The following CTNNA3 variants were observed in gnomAD, a reference collection of about 807,000 sequenced individuals.
CTNNA3 encodes the protein catenin alpha-3.
A neutral mutation model predicts 95.7 loss-of-function variants in CTNNA3; 76 were observed. The observed-to-expected ratio is 0.79, with a 90% confidence interval of 0.66 to 0.96. The LOEUF is 0.96. CTNNA3 is among the 40% of genes least tolerant of loss of function. The pLI, the probability that CTNNA3 is intolerant of heterozygous loss-of-function variation, is 0.00. For synonymous variants in CTNNA3, 431 were observed against 374.4 expected (o/e 1.15, Z -1.74); for missense variants, 1,191 against 1,089.8 (o/e 1.09, Z -1.31).
At chr10:66,899,488 A>G (rs1048403940) in intron 7 of CTNNA3, among the ~76,000 whole-genome samples, 10 of 152,154 alleles carry the variant, frequency 6.6e-5, no homozygotes, top group Non-Finnish European at 1.3e-4. Context: ...AGTTCATCTC[A>G]TTGGGACTGG....
chr10:66,114,549 G>A (rs190096418), intron 13 of CTNNA3, among the ~76,000 whole-genome samples: 155 of 151,538 alleles, frequency 1.0e-3, no homozygotes, highest in African/African-American at 3.4e-3. Context: ...CATATTGTCC[G>A]TGTATGTGTG....
chr10:66,210,169 A>G (rs1379129775), intron 13 of CTNNA3, among the ~76,000 whole-genome samples: 3 of 152,044 alleles, frequency 2.0e-5, no homozygotes, highest in East Asian at 1.9e-4. Context: ...GGTAAGTATG[A>G]TAAGGAATCT....
At chr10:67,547,831 G>A (rs1429914150) in intron 3 of CTNNA3, among the ~76,000 whole-genome samples, 2 of 152,166 alleles carry the variant, frequency 1.3e-5, no homozygotes, top group African/African-American at 4.8e-5. Context: ...TAACAAAGAA[G>A]TGTAAGACTT....
chr10:66,866,449 C>G (rs1283323275), intron 7 of CTNNA3, among the ~76,000 whole-genome samples: 2 of 152,156 alleles, frequency 1.3e-5, no homozygotes, highest in African/African-American at 4.8e-5. Flanking sequence ...TTTTGTGCAA[C>G]TTTTGTGACC....
chr10:67,026,640 G>C (rs1853406223), intron 7 of CTNNA3, among the ~76,000 whole-genome samples: 1 of 152,108 alleles, frequency 6.6e-6, no homozygotes, highest in African/African-American at 2.4e-5. Flanking sequence ...AGGAAAAGGA[G>C]CTTAAACCCT....
At chr10:67,525,930 A>G (rs994372221) in intron 4 of CTNNA3, among the ~76,000 whole-genome samples, 1 of 152,198 alleles carries the variant, frequency 6.6e-6, no homozygotes, top group Non-Finnish European at 1.5e-5. Context: ...CCATACCCGC[A>G]GCGTTATGTG....
At chr10:67,210,740 G>C (rs1187803874) in intron 6 of CTNNA3, among the ~76,000 whole-genome samples, 1 of 150,822 alleles carries the variant, frequency 6.6e-6, no homozygotes, top group African/African-American at 2.4e-5. Flanking sequence ...ATGGGGGGGG[G>C]CTCAATAAAA....
chr10:66,354,942 C>A (rs2092597429), intron 12 of CTNNA3, among the ~76,000 whole-genome samples: 1 of 152,102 alleles, frequency 6.6e-6, no homozygotes, highest in South Asian at 2.1e-4. Flanking sequence ...TCATCATGAT[C>A]TACACTTATC....
intron 12 of CTNNA3, among the ~76,000 whole-genome samples, chr10:66,348,486 G>A (rs912141381): frequency 4.6e-5 from 7 of 152,044 alleles, no homozygotes; most frequent in African/African-American, 1.4e-4. Context: ...TTCTTGGAAT[G>A]TATAAAACAA....
intron 7 of CTNNA3, among the ~76,000 whole-genome samples, chr10:66,907,468 T>C (rs2132546941): frequency 6.6e-6 from 1 of 152,278 alleles, no homozygotes; most frequent in East Asian, 1.9e-4. Context: ...CTTTGAAAAA[T>C]ATGTGCTGAC....
chr10:66,740,043 G>A (rs1027425553), intron 9 of CTNNA3, among the ~76,000 whole-genome samples: 1 of 152,180 alleles, frequency 6.6e-6, no homozygotes, highest in Non-Finnish European at 1.5e-5. Context: ...AGATCATTTG[G>A]GGAATCATGT....
chr10:66,296,433 T>C (rs376590547), intron 12 of CTNNA3, among the ~76,000 whole-genome samples: 69 of 152,138 alleles, frequency 4.5e-4, no homozygotes, highest in Non-Finnish European at 8.7e-4. Context: ...CTTCTAGTAT[T>C]CAATTCACAT....
In CTNNA3 at chr10:67,420,061, G is replaced by A. The variant is rs930748266; in HGVS notation, c.579+101781C>T. ...GAGACGGGGTTTCACCATATTGGCA[G>A]GCTGGTCTCGAACTCCTGACTTTGT... is the stretch of plus-strand genomic sequence containing the variant. On this transcript the variant is annotated intron_variant, in intron 5 of 17. Transcript: ENST00000433211. 4.6e-5 allele frequency among the ~76,000 whole-genome samples: 7 copies of A among 152,046 alleles called. No homozygotes were observed. The South Asian group carries it at 1.2e-3, about 27-fold the overall frequency.
intron 7 of CTNNA3, among the ~76,000 whole-genome samples, chr10:67,096,325 C>T (rs953535467): frequency 5.9e-5 from 9 of 151,674 alleles, no homozygotes; most frequent in East Asian, 5.8e-4. Context: ...GTGGCAAAGA[C>T]GGTTCTAATG....
At position 66,912,965 on chromosome 10, in the gene CTNNA3, C is replaced by T. The variant is rs192623925; in HGVS notation, c.1048-137441G>A. On this transcript the variant is annotated intron_variant, in intron 7 of 17. Transcript: ENST00000433211. ...TTAAGAAATGCGTACATAGGCCGGG[C>T]GCGGTGGCTCATGCCTGTAATCCCA... 7.1e-4 allele frequency among the ~76,000 whole-genome samples: 108 copies of T among 152,186 alleles called. 1 individual carries two copies. The highest frequency in any genetic ancestry group is 2.6e-3 in the African/African-American group (106 of 41,530).
intron 4 of CTNNA3, among the ~76,000 whole-genome samples, chr10:67,536,564 TTG>T (rs2133195866): frequency 6.6e-6 from 1 of 152,290 alleles, no homozygotes; most frequent in South Asian, 2.1e-4. Context: ...GAAGCTAATA[TTG>T]TCATAAACAT....
intron 15 of CTNNA3, among the ~76,000 whole-genome samples, chr10:66,035,537 A>ATTTT (rs3884199): frequency 0.24 from 34,558 of 147,000 alleles, 4,423 homozygotes; most frequent in Non-Finnish European, 0.31. Context: ...GAATGAGGGT[A>ATTTT]TTTTTTTTTT....
intron 7 of CTNNA3, among the ~76,000 whole-genome samples, chr10:66,804,288 TG>T (rs930970380): frequency 9.2e-5 from 14 of 152,172 alleles, no homozygotes; most frequent in African/African-American, 3.4e-4. Flanking sequence ...TGTTTTATTT[TG>T]TTTATTAAAT....
At chr10:67,099,501 T>G (rs974227297) in intron 7 of CTNNA3, 5 of 152,130 alleles carry the variant, frequency 3.3e-5, no homozygotes, top group African/African-American at 1.2e-4. Context: ...CTTTTAAATT[T>G]TTATCTCTTC....
Sources: allele counts gnomAD v4.1 joint callset (sites outside exome capture counted in the v4.1 genomes callset), GRCh38; gene constraint gnomAD v4.1.1; transcripts MANE v1.5; gene names NCBI Gene and HGNC (gene_info 2026-07-23, HGNC 2026-07-21).